Variants in NCKAP1 observed in about 807,000 individuals in gnomAD.
The protein encoded by NCKAP1 is NCK associated protein 1, also known as nck-associated protein 1.
In NCKAP1, 21 loss-of-function variants were observed where a neutral mutation model predicts 151.2. The ratio of observed to expected loss-of-function variants is 0.14; its 90% confidence interval spans 0.10 to 0.20. The LOEUF (loss-of-function observed/expected upper bound fraction) is 0.20, where lower values mean the gene tolerates loss of function less well. NCKAP1 is among the 10% of genes least tolerant of loss of function. The pLI is 1.00. For missense variants in NCKAP1, 933 were observed against 1,352.1 expected (o/e 0.69, Z 4.86); for synonymous variants, 484 against 451.8 (o/e 1.07, Z -0.90).
In NCKAP1 at chr2:182,986,182, G is replaced by A. The variant is rs760305463; in HGVS notation, c.993C>T (p.Ala331=). ...ATAAAACTACTCACGCATGTGACAC[G>A]GCTGCCTCCTTGCATTCTCTTATGT... ...INDIRECKEA[A]VSHAGSMHRE... The change falls in exon 10 of 31, where the codon GCC becomes GCT. Residue 331 remains alanine (A), a synonymous_variant. Coordinates refer to ENST00000361354, the MANE Select transcript of NCKAP1 (RefSeq NM_013436.5). 32 of 1,613,470 alleles carry A rather than the reference G, an allele frequency of 2.0e-5. No individual in the cohort carries two copies. Among genetic ancestry groups the A allele is most frequent in the Non-Finnish European group, 2.2e-5 (26 of 1,179,730 alleles).
chr2:182,922,054 TG>T lies in NCKAP1; in HGVS notation c.*3647del, dbSNP rs1270009190. Reference sequence around the variant, plus strand: ...TTCAGGCTCAGGCCTTCAAATGAAATGATGGTTCATGCTGTCATTTCAAGTG... The same window carrying T: ...TTCAGGCTCAGGCCTTCAAATGAAATATGGTTCATGCTGTCATTTCAAGTG... On this transcript the variant is annotated 3_prime_UTR_variant, in exon 31 of 31. Coordinates refer to ENST00000361354, the MANE Select transcript of NCKAP1 (RefSeq NM_013436.5). 6.6e-6 allele frequency: 1 copy of T among 152,190 alleles called. No homozygotes were observed. Among genetic ancestry groups the T allele is most frequent in the Non-Finnish European group, 1.5e-5 (1 of 68,034 alleles). The allele number at this position is 152,190 out of a possible 1,614,324, so 9.4% of individuals were successfully genotyped here.
At position 182,941,954 on chromosome 2, in the gene NCKAP1, TAAAG is replaced by T. The variant is rs971606782; in HGVS notation, c.2695+112_2695+115del. The T allele has an allele frequency of 4.0e-6, 3 of 754,556 alleles. No individual in the cohort carries two copies. In the African/African-American group the frequency reaches 5.3e-5, roughly 13 times the overall value. The allele number at this position is 754,556 out of a possible 1,614,324, so 46.7% of individuals were successfully genotyped here. The stretch of plus-strand genomic sequence containing the variant: ...AAATGTTCTAGTTCTCTTCATAAGC[TAAAG>T]AGTACTTTTCATAATTTACTACTTG... On this transcript the variant is annotated intron_variant, in intron 24 of 30. Coordinates refer to ENST00000361354, the MANE Select transcript of NCKAP1 (RefSeq NM_013436.5).
At chr2:182,927,439 A>T (rs2105796891) in intron 29 of NCKAP1, among the ~76,000 whole-genome samples, 1 of 152,216 alleles carries the variant, frequency 6.6e-6, no homozygotes, top group Admixed American at 6.5e-5. Flanking sequence ...ATTATTTTTT[A>T]AAAAAGCTGA....
chr2:182,928,050 T>G, intron 29 of NCKAP1, 67 bp downstream of exon 29: 19 of 1,092,160 alleles, frequency 1.7e-5, no homozygotes, highest in Non-Finnish European at 2.4e-5. Context: ...TATTCTTACA[T>G]TTTGTGGTTG....
At chr2:183,035,724 G>T (rs2105903588) in intron 1 of NCKAP1, among the ~76,000 whole-genome samples, 1 of 152,236 alleles carries the variant, frequency 6.6e-6, no homozygotes, top group East Asian at 1.9e-4. Flanking sequence ...TCTATAGGCT[G>T]AAAGATCCAA....
At chr2:182,944,143 G>A (rs1409700966) in intron 23 of NCKAP1, among the ~76,000 whole-genome samples, 1 of 152,040 alleles carries the variant, frequency 6.6e-6, no homozygotes, top group Non-Finnish European at 1.5e-5. Flanking sequence ...ATTATTTGCT[G>A]GCTTACTATT....
chr2:183,002,099 T>C (rs1390999821), intron 5 of NCKAP1, 28 bp downstream of exon 5: 12 of 1,612,416 alleles, frequency 7.4e-6, no homozygotes, highest in Middle Eastern at 1.6e-4. Context: ...CTGAGCATTT[T>C]AGAAAGACTT....
At chr2:182,983,406 G>A in intron 10 of NCKAP1, 24 bp from the exon 11 acceptor site, 1 of 1,471,818 alleles carries the variant, frequency 6.8e-7, no homozygotes, top group Non-Finnish European at 9.4e-7. Flanking sequence ...CACCATAATA[G>A]TTTATCTGCT....
At position 183,029,138 on chromosome 2, in the gene NCKAP1, T is replaced by A. The variant is rs1328568799; in HGVS notation, c.109-5222A>T. On this transcript the variant is annotated intron_variant, in intron 1 of 30. Coordinates refer to ENST00000361354, the MANE Select transcript of NCKAP1 (RefSeq NM_013436.5). ...GTCTCAAAAGAAACAAAAAAAAAACTATAGGTCAGTAGTCAATTCAATATC... is the reference window on the plus strand; with the variant it reads ...GTCTCAAAAGAAACAAAAAAAAAACAATAGGTCAGTAGTCAATTCAATATC... 2.6e-5 allele frequency among the ~76,000 whole-genome samples: 4 copies of A among 151,588 alleles called. No homozygotes were observed. In the South Asian group the frequency reaches 8.3e-4, roughly 32 times the overall value.
chr2:182,946,131 G>A (rs923605915), intron 23 of NCKAP1, among the ~76,000 whole-genome samples: 2 of 152,196 alleles, frequency 1.3e-5, no homozygotes, highest in African/African-American at 4.8e-5. Flanking sequence ...ATAGTGCAGT[G>A]GCTCACGCCT....
intron 1 of NCKAP1, among the ~76,000 whole-genome samples, chr2:183,037,675 C>A (rs75602566): frequency 0.078 from 11,833 of 152,214 alleles, 595 homozygotes; most frequent in Non-Finnish European, 0.11. Flanking sequence ...ATCATGGGGG[C>A]GGGGGCGCCG....
Position 182,982,895 on chromosome 2 carries a change from G to A in NCKAP1, c.1134C>T (p.Ala378=). The change falls in exon 12 of 31, where the codon GCC becomes GCT. Residue 378 remains alanine, a synonymous_variant. Coordinates refer to ENST00000361354, the MANE Select transcript of NCKAP1 (RefSeq NM_013436.5). ...GAAGTAGCCAGATGATTTCATCACG[G>A]GCAAAGGATAATGCCATAAAAACAA... ...ALFVFMALSF[A]RDEIIWLLRH... 6.2e-7 allele frequency: 1 copy of A among 1,610,316 alleles called. No homozygotes were observed.
At position 182,986,071 on chromosome 2, in the gene NCKAP1, C is replaced by T. The variant is rs576469291; in HGVS notation, c.1004+100G>A. Reference sequence around the variant, plus strand: ...GACTGAAAGTCCCCCTCTTCTACTACCATATCTTGCATACTATTAATCTGT... The same window carrying T: ...GACTGAAAGTCCCCCTCTTCTACTATCATATCTTGCATACTATTAATCTGT... On this transcript the variant is annotated intron_variant, in intron 10 of 30. Coordinates refer to ENST00000361354, the MANE Select transcript of NCKAP1 (RefSeq NM_013436.5). 1.2e-5 allele frequency: 13 copies of T among 1,072,640 alleles called. No individual in the cohort carries two copies. In the East Asian group the frequency reaches 3.1e-4, roughly 25 times the overall value. The allele number at this position is 1,072,640 out of a possible 1,614,324, so 66.4% of individuals were successfully genotyped here.
intron 6 of NCKAP1, among the ~76,000 whole-genome samples, chr2:182,998,766 G>C (rs1160100872): frequency 6.7e-6 from 1 of 149,984 alleles, no homozygotes; most frequent in East Asian, 1.9e-4. Context: ...GGAGGTGGGG[G>C]TTGCAGTGAG....
Position 182,956,560 on chromosome 2 carries a change from T to C in NCKAP1, c.2055A>G (p.Leu685=), listed in dbSNP as rs149298856. ...TTGGTACATAATTTATAGAGAAGCA[T>C]AACTCAGAAAGTGCAGTGTGCAATT... ...LDKLHTALSE[L]CFSINYVPNM... The change falls in exon 20 of 31, where the codon TTA becomes TTG. Residue 685 remains leucine, a synonymous_variant. Coordinates refer to ENST00000361354, the MANE Select transcript of NCKAP1 (RefSeq NM_013436.5). 3.7e-6 allele frequency: 6 copies of C among 1,609,618 alleles called. No individual in the cohort carries two copies. Among genetic ancestry groups the C allele is most frequent in the Non-Finnish European group, 5.1e-6 (6 of 1,178,108 alleles).
At chr2:182,935,451 C>T in intron 24 of NCKAP1, 76 bp from the exon 25 acceptor site, 1 of 805,172 alleles carries the variant, frequency 1.2e-6, no homozygotes. Flanking sequence ...GGAAAAAAAT[C>T]TAAATTTATT....
At position 182,982,925 on chromosome 2, in the gene NCKAP1, T is replaced by A; in HGVS notation, c.1104A>T (p.Ala368=). The stretch of plus-strand genomic sequence containing the variant: ...AGGATAATGCCATAAAAACAAAAAG[T>A]GCCTGTTTAAAAAAAAGTAAGTGTT... ...SDQPGLLGPK[A]LFVFMALSFA... Residue 368 remains alanine (A), a splice_region_variant and synonymous_variant, in exon 12 of 31, where the codon GCA becomes GCT. Transcript: ENST00000361354. 1.3e-6 allele frequency: 2 copies of A among 1,589,232 alleles called. No individual in the cohort carries two copies.
chr2:183,025,858 A>C (rs774615213), intron 1 of NCKAP1, among the ~76,000 whole-genome samples: 1 of 152,210 alleles, frequency 6.6e-6, no homozygotes, highest in Non-Finnish European at 1.5e-5. Context: ...CAAAATCCTA[A>C]AGTGATTCCA....
chr2:183,000,567 C>G (rs1281618339), intron 6 of NCKAP1, among the ~76,000 whole-genome samples: 1 of 152,122 alleles, frequency 6.6e-6, no homozygotes, highest in East Asian at 1.9e-4. Flanking sequence ...ATGATATGTG[C>G]AGTATTTTGA....
Sources: gnomAD v4.1 joint callset for allele counts (sites outside exome capture counted in the v4.1 genomes callset) on GRCh38, gnomAD v4.1.1 for gene constraint, MANE v1.5 for transcripts, NCBI Gene and HGNC (gene_info 2026-07-23, HGNC 2026-07-21) for gene names.